Variants in TRIP12 observed in about 807,000 individuals in gnomAD.
TRIP12 encodes the protein E3 ubiquitin-protein ligase TRIP12.
TRIP12 carries 25 observed loss-of-function variants against 244.2 expected under a neutral mutation model. The observed-to-expected ratio is 0.10, with a 90% CI of 0.07 to 0.14. The LOEUF is 0.14. TRIP12 is among the 10% of genes least tolerant of loss of function. The pLI is 1.00. For missense variants in TRIP12, 1,677 were observed against 2,486.4 expected (o/e 0.67, Z 6.92); for synonymous variants, 905 against 873.1 (o/e 1.04, Z -0.64).
At chr2:229,887,964 A>G (rs1485848018) in intron 1 of TRIP12, among the ~76,000 whole-genome samples, 1 of 152,208 alleles carries the variant, frequency 6.6e-6, no homozygotes, top group Non-Finnish European at 1.5e-5. Flanking sequence ...CCTGTAGGTT[A>G]TCAGTAATCT....
At chr2:229,916,490 G>A (rs186133700) in intron 1 of TRIP12, among the ~76,000 whole-genome samples, 186 of 152,152 alleles carry the variant, frequency 1.2e-3, no homozygotes, top group African/African-American at 4.4e-3. Context: ...GGAAGGTGGA[G>A]GTTGCAGTGA....
chr2:229,814,811 C>A (rs891757732), intron 11 of TRIP12, among the ~76,000 whole-genome samples: 3 of 152,180 alleles, frequency 2.0e-5, no homozygotes, highest in Non-Finnish European at 4.4e-5. Flanking sequence ...AAATAGCTAT[C>A]AACCTCACTG....
chr2:229,850,651 G>A (rs1394954236), intron 4 of TRIP12, among the ~76,000 whole-genome samples: 1 of 152,252 alleles, frequency 6.6e-6, no homozygotes, highest in Non-Finnish European at 1.5e-5. Context: ...CCGCTGCAAT[G>A]TGGGAGCCCC....
intron 2 of TRIP12, among the ~76,000 whole-genome samples, chr2:229,869,588 G>A (rs1419625334): frequency 6.6e-6 from 1 of 152,074 alleles, no homozygotes; most frequent in Non-Finnish European, 1.5e-5. Context: ...TCTTTCCCTG[G>A]TAGGAAAAGA....
intron 8 of TRIP12, among the ~76,000 whole-genome samples, chr2:229,819,274 G>C (rs2049352375): frequency 2.0e-5 from 3 of 152,212 alleles, no homozygotes; most frequent in Non-Finnish European, 4.4e-5. Context: ...GCTGGGTGCA[G>C]TGGCTCATGC....
At chr2:229,883,631 A>C (rs2065326112) in intron 1 of TRIP12, among the ~76,000 whole-genome samples, 1 of 152,214 alleles carries the variant, frequency 6.6e-6, no homozygotes, top group East Asian at 1.9e-4. Flanking sequence ...TTTCACATAA[A>C]ACCTTTGATA....
chr2:229,787,027 T>C (rs1211645517), intron 33 of TRIP12, among the ~76,000 whole-genome samples: 3 of 152,176 alleles, frequency 2.0e-5, no homozygotes, highest in African/African-American at 7.2e-5. Context: ...ACAGATTAAG[T>C]TAGCAATACT....
intron 4 of TRIP12, among the ~76,000 whole-genome samples, chr2:229,846,142 A>AT (rs1365343659): frequency 1.3e-5 from 2 of 152,160 alleles, no homozygotes; most frequent in Non-Finnish European, 2.9e-5. Flanking sequence ...AAACTTAGTG[A>AT]TAAAGCAGCA....
chr2:229,769,245 A>G lies in TRIP12; in HGVS notation c.5889T>C (p.Gly1963=). 6.2e-7 allele frequency: 1 copy of G among 1,613,532 alleles called. No homozygotes were observed. Among genetic ancestry groups the G allele is most frequent in the Non-Finnish European group, 8.5e-7 (1 of 1,179,756 alleles). The change falls in exon 40 of 42, where the codon GGT becomes GGC. Residue 1963 remains glycine (G), a synonymous_variant. Transcript: ENST00000675903. The part of the protein sequence containing the change: ...TLMECCRPDH[G]YTHDSRAVKF... ...CCAGTACTTACCTGTCATGAGTATAACCATGATCAGGCCTACAGCATTCCA... is the reference window on the plus strand; with the variant it reads ...CCAGTACTTACCTGTCATGAGTATAGCCATGATCAGGCCTACAGCATTCCA...
At position 229,831,187 on chromosome 2, in the gene TRIP12, T is replaced by C. The variant is rs1364822752; in HGVS notation, c.1271-348A>G. On this transcript the variant is annotated intron_variant, in intron 6 of 41. Coordinates refer to ENST00000675903, the MANE Select transcript of TRIP12 (RefSeq NM_001348323.3). ...GAACATACTGCTGTAACAATTGTGA[T>C]TATTTAACAGATGGCCAATTAGTAA... The C allele has an allele frequency of 5.8e-6, 4 of 693,164 alleles. No individual in the cohort carries two copies. In the Admixed American group the frequency reaches 7.1e-5, roughly 12 times the overall value. 42.9% of individuals were successfully genotyped at this position (693,164 alleles called of 1,614,324 possible).
At chr2:229,768,765 T>TA (rs781756876) in intron 40 of TRIP12, 46 bp from the exon 41 acceptor site, 4 of 1,537,492 alleles carry the variant, frequency 2.6e-6, no homozygotes, top group Admixed American at 2.1e-5. Context: ...CAGGTTAAAA[T>TA]AGAGTTTTAA....
chr2:229,768,757 G>A (rs764822584), intron 40 of TRIP12, 38 bp from the exon 41 acceptor site: 2 of 1,557,150 alleles, frequency 1.3e-6, no homozygotes, highest in South Asian at 1.2e-5. Flanking sequence ...TATTTCATCA[G>A]GTTAAAATAG....
intron 1 of TRIP12, among the ~76,000 whole-genome samples, chr2:229,905,249 G>A (rs1179675574): frequency 6.6e-6 from 1 of 150,888 alleles, no homozygotes; most frequent in African/African-American, 2.4e-5. Flanking sequence ...ACTCCAGCCT[G>A]GGCAACAAGA....
At chr2:229,865,997 G>T (rs1018523743) in intron 2 of TRIP12, among the ~76,000 whole-genome samples, 12 of 152,216 alleles carry the variant, frequency 7.9e-5, no homozygotes, top group African/African-American at 2.9e-4. Context: ...AACATACACT[G>T]GGAAGCGGCA....
chr2:229,771,329 A>G (rs1051744350), intron 39 of TRIP12, among the ~76,000 whole-genome samples, 190 bp downstream of exon 39: 1 of 152,210 alleles, frequency 6.6e-6, no homozygotes, highest in Non-Finnish European at 1.5e-5. Context: ...TCCCCAATCT[A>G]AGAGGGGACA....
At position 229,797,768 on chromosome 2, in the gene TRIP12, A is replaced by G; in HGVS notation, c.3546T>C (p.Ser1182=). 6.2e-7 allele frequency: 1 copy of G among 1,613,902 alleles called. No individual in the cohort carries two copies. Among genetic ancestry groups the G allele is most frequent in the East Asian group, 2.2e-5 (1 of 44,896 alleles). Residue 1182 remains serine (S), a synonymous_variant, in exon 24 of 42, where the codon TCT becomes TCC. Coordinates refer to ENST00000675903, the MANE Select transcript of TRIP12 (RefSeq NM_001348323.3). Reference sequence around the variant, plus strand: ...CAGGGTTGCTTCCATCCATATTCTCAGAACTGAAATAACGTTCTACAAATT... The same window carrying G: ...CAGGGTTGCTTCCATCCATATTCTCGGAACTGAAATAACGTTCTACAAATT... ...AHKFVERYFS[S]ENMDGSNPAL... is the part of the protein sequence containing the mutation.
chr2:229,858,732 C>G (rs757691048), intron 4 of TRIP12, 40 bp downstream of exon 4: 2 of 1,503,936 alleles, frequency 1.3e-6, no homozygotes, highest in South Asian at 2.6e-5. Flanking sequence ...CCAAGAGAAA[C>G]TTTCTTTAAT....
intron 2 of TRIP12, among the ~76,000 whole-genome samples, chr2:229,862,004 T>C (rs1350115702): frequency 6.6e-6 from 1 of 152,196 alleles, no homozygotes. Flanking sequence ...GTAGCTAAGC[T>C]GAACTTTGTA....
chr2:229,915,903 C>T (rs1224700748), intron 1 of TRIP12, among the ~76,000 whole-genome samples: 1 of 152,142 alleles, frequency 6.6e-6, no homozygotes, highest in Non-Finnish European at 1.5e-5. Flanking sequence ...CTAAGTTGCT[C>T]AGGCTAGTCT....
Sources: gnomAD v4.1 joint callset for allele counts (sites outside exome capture counted in the v4.1 genomes callset) on GRCh38, gnomAD v4.1.1 for gene constraint, MANE v1.5 for transcripts, NCBI Gene and HGNC (gene_info 2026-07-23, HGNC 2026-07-21) for gene names.